BEND3: variants seen among roughly 807,000 people sequenced by gnomAD.
BEND3 encodes BEN domain-containing protein 3.
BEND3 carries 13 observed loss-of-function variants against 60.1 expected under a neutral mutation model. That is an observed-to-expected ratio of 0.22 (90% CI 0.14 to 0.34). BEND3 has a LOEUF of 0.34. BEND3 is among the 10% of genes least tolerant of loss of function. The pLI is 1.00. For missense variants in BEND3, 896 were observed against 1,138.1 expected (o/e 0.79, Z 3.06); for synonymous variants, 497 against 491.5 (o/e 1.01, Z -0.15).
chr6:107,093,256 C>G (rs959494454), intron 3 of BEND3, among the ~76,000 whole-genome samples: 21 of 152,052 alleles, frequency 1.4e-4, no homozygotes, highest in Admixed American at 4.6e-4. Context: ...GCCAGGAGAT[C>G]GAGACCATCC....
chr6:107,112,087 T>C (rs571267118), intron 1 of BEND3, among the ~76,000 whole-genome samples: 5 of 152,198 alleles, frequency 3.3e-5, no homozygotes, highest in Non-Finnish European at 7.3e-5. Flanking sequence ...GCTAGCGACC[T>C]TCATACTCTA....
intron 1 of BEND3, among the ~76,000 whole-genome samples, chr6:107,103,471 T>C (rs538405787): frequency 3.9e-5 from 6 of 152,348 alleles, no homozygotes; most frequent in Admixed American, 2.0e-4. Context: ...CTTTGCCTCC[T>C]GGACTCTGGA....
Position 107,070,969 on chromosome 6 carries a change from T to C in BEND3, c.241-19A>G. 6.3e-7 allele frequency: 1 copy of C among 1,589,892 alleles called. No homozygotes were observed. On this transcript the variant is annotated intron_variant, in intron 3 of 3. Coordinates refer to ENST00000369042, the MANE Select transcript of BEND3 (RefSeq NM_001367314.1). The surrounding 1 kb of genome is among the most constrained non-coding windows in gnomAD (Gnocchi z 6.9). The stretch of plus-strand genomic sequence containing the variant: ...GGAGAGCCTGCAAAACAAAAATCAT[T>C]TCCCAGAGTGTTAGGTGGGTGCTGT...
chr6:107,084,686 A>G (rs1459866896), intron 3 of BEND3, among the ~76,000 whole-genome samples: 2 of 152,164 alleles, frequency 1.3e-5, no homozygotes, highest in Admixed American at 6.5e-5. Flanking sequence ...TGCACCAATC[A>G]GCACTCTGTG....
intron 3 of BEND3, among the ~76,000 whole-genome samples, chr6:107,093,138 T>C (rs1775510683): frequency 6.6e-6 from 1 of 152,016 alleles, no homozygotes; most frequent in Non-Finnish European, 1.5e-5. Context: ...ATTCTAAAAT[T>C]TATATGGACA....
intron 1 of BEND3, among the ~76,000 whole-genome samples, chr6:107,101,577 C>CT (rs1554236751): frequency 6.6e-6 from 1 of 152,146 alleles, no homozygotes; most frequent in African/African-American, 2.4e-5. Flanking sequence ...CATCTCCTAC[C>CT]TGAAAAAACA....
At chr6:107,084,410 A>T (rs537190251) in intron 3 of BEND3, among the ~76,000 whole-genome samples, 25 of 152,268 alleles carry the variant, frequency 1.6e-4, no homozygotes, top group Non-Finnish European at 3.2e-4. Flanking sequence ...AGAGGATTGT[A>T]AACACACCAA....
chr6:107,086,409 G>A (rs1215664961), intron 3 of BEND3, among the ~76,000 whole-genome samples: 1 of 151,856 alleles, frequency 6.6e-6, no homozygotes, highest in East Asian at 2.0e-4. Context: ...GAGGTCAAGA[G>A]ATCGAGACCA....
chr6:107,081,952 G>C (rs1402908451), intron 3 of BEND3, among the ~76,000 whole-genome samples: 8 of 152,110 alleles, frequency 5.3e-5, no homozygotes, highest in African/African-American at 9.7e-5. Flanking sequence ...TGTCCACAAA[G>C]GCTACAACCT....
chr6:107,070,609 G>A lies in BEND3; in HGVS notation c.582C>T (p.Phe194=). 1 of 1,612,464 alleles carries A rather than the reference G, an allele frequency of 6.2e-7. No homozygotes were observed. Among genetic ancestry groups the A allele is most frequent in the Non-Finnish European group, 8.5e-7 (1 of 1,179,978 alleles). Residue 194 remains phenylalanine, a synonymous_variant, in exon 4 of 4, where the codon TTC becomes TTT. Transcript: ENST00000369042. This position sits in a 1 kb window ranked among gnomAD's most constrained non-coding sequence, Gnocchi z 6.9. ...GCATGTAGAACATCTTCTGGATCAG[G>A]AAGTAGATGTTGGGGTCGTTGTCAG... is the stretch of plus-strand genomic sequence containing the variant. ...AGTDNDPNIY[F]LIQKMFYMLN...
rs552154356 is a variant in BEND3 at position 107,104,356 on chromosome 6, C to T, written c.-11-5060G>A. Among the ~76,000 whole-genome samples, 298 of 150,422 alleles carry T rather than the reference C, an allele frequency of 2.0e-3. 1 individual carries two copies. Among genetic ancestry groups the T allele is most frequent in the African/African-American group, 6.9e-3 (282 of 40,946 alleles). ...ATAGGCTGGAAAGAGTTACACACTA[C>T]AGGACACTTCATCTTTTTAGTGTTC... is the stretch of plus-strand genomic sequence containing the variant. On this transcript the variant is annotated intron_variant, in intron 1 of 3. Transcript: ENST00000369042.
At position 107,067,140 on chromosome 6, in the gene BEND3, T is replaced by A. The variant is rs920421396; in HGVS notation, c.*1564A>T. 1 of 152,188 alleles carries A rather than the reference T, an allele frequency of 6.6e-6. No homozygotes were observed. 9.4% of individuals were successfully genotyped at this position (152,188 alleles called of 1,614,324 possible). On this transcript the variant is annotated 3_prime_UTR_variant, in exon 4 of 4. Coordinates refer to ENST00000369042, the MANE Select transcript of BEND3 (RefSeq NM_001367314.1). The stretch of plus-strand genomic sequence containing the variant: ...CCTGGGTACAGGCAAAATTATGTCA[T>A]ACAGCCACTGGAACTGAAGTTCTTA...
intron 3 of BEND3, among the ~76,000 whole-genome samples, chr6:107,095,751 G>A (rs560385059): frequency 1.3e-5 from 2 of 152,212 alleles, no homozygotes; most frequent in Non-Finnish European, 2.9e-5. Flanking sequence ...AGACATGGAG[G>A]AAACTCAAAT....
intron 1 of BEND3, among the ~76,000 whole-genome samples, chr6:107,102,769 C>T (rs1384665097): frequency 2.6e-5 from 4 of 152,198 alleles, no homozygotes; most frequent in African/African-American, 4.8e-5. Flanking sequence ...AGGTGAGCAT[C>T]CCCTGTAACA....
intron 1 of BEND3, among the ~76,000 whole-genome samples, chr6:107,105,616 T>TA (rs1775797293): frequency 6.6e-6 from 1 of 152,114 alleles, no homozygotes. Context: ...AGCGTGAGCC[T>TA]AATCAGAGCT....
chr6:107,105,868 C>G (rs1284320152), intron 1 of BEND3, among the ~76,000 whole-genome samples: 2 of 152,178 alleles, frequency 1.3e-5, no homozygotes, highest in Non-Finnish European at 2.9e-5. Flanking sequence ...GAGCTGTTTC[C>G]AGATGCAAAC....
chr6:107,081,403 G>A (rs1321462183), intron 3 of BEND3, among the ~76,000 whole-genome samples: 3 of 148,136 alleles, frequency 2.0e-5, no homozygotes, highest in Admixed American at 2.0e-4. Context: ...GGTATTTTTA[G>A]TAGAGATGGG....
intron 3 of BEND3, among the ~76,000 whole-genome samples, chr6:107,087,753 CA>C (rs371022628): frequency 4.1e-3 from 39 of 9,592 alleles, no homozygotes; most frequent in South Asian, 0.015. Flanking sequence ...AACAAACAAA[CA>C]AAAAAACAGA....
intron 1 of BEND3, among the ~76,000 whole-genome samples, chr6:107,108,231 G>A (rs1261232491): frequency 7.9e-5 from 12 of 152,100 alleles, no homozygotes; most frequent in African/African-American, 2.2e-4. Context: ...AACCCTGCCC[G>A]CGCGCCTGTG....
Sources: gnomAD v4.1 joint callset for allele counts (sites outside exome capture counted in the v4.1 genomes callset) on GRCh38, gnomAD v4.1.1 for gene constraint, Gnocchi (gnomAD v3.1) non-coding constraint, MANE v1.5 for transcripts, NCBI Gene and HGNC (gene_info 2026-07-23, HGNC 2026-07-21) for gene names.